The following SLC24A2 variants were observed in gnomAD, a reference collection of about 807,000 sequenced individuals.
SLC24A2 encodes the protein sodium/potassium/calcium exchanger 2.
Under a neutral mutation model 62.0 loss-of-function variants are expected in SLC24A2, and 36 were observed. That is an observed-to-expected ratio of 0.58 (90% CI 0.44 to 0.77). SLC24A2 has a LOEUF of 0.77. Ranked by LOEUF, SLC24A2 falls within the 30% of genes least tolerant of loss-of-function variation. The pLI, the probability that SLC24A2 is intolerant of heterozygous loss-of-function variation, is 0.00. For missense variants in SLC24A2, 846 were observed against 817.9 expected (o/e 1.03, Z -0.42); for synonymous variants, 358 against 294.0 (o/e 1.22, Z -2.23).
chr9:19,958,775 A>G, the SLC24A2 span, among the ~76,000 whole-genome samples: 1 of 152,246 alleles, frequency 6.6e-6, no homozygotes, highest in Admixed American at 6.5e-5. Flanking sequence ...AAGACAAGGC[A>G]TGTAAAAATA....
intron 2 of SLC24A2, among the ~76,000 whole-genome samples, chr9:19,640,444 G>A (rs1818463813): frequency 6.6e-6 from 1 of 152,138 alleles, no homozygotes; most frequent in Non-Finnish European, 1.5e-5. Flanking sequence ...TAATATTTAT[G>A]TTTTCTGACC....
chr9:19,557,251 A>G (rs1835140474), intron 7 of SLC24A2, among the ~76,000 whole-genome samples: 1 of 152,186 alleles, frequency 6.6e-6, no homozygotes, highest in African/African-American at 2.4e-5. Context: ...AATAAATTAA[A>G]CCCATTAAAA....
At chr9:20,195,104 A>G in the SLC24A2 span, among the ~76,000 whole-genome samples, 16 of 152,250 alleles carry the variant, frequency 1.1e-4, no homozygotes, top group African/African-American at 3.6e-4. Context: ...TCCATGCTGG[A>G]ACATGTAATT....
the SLC24A2 span, among the ~76,000 whole-genome samples, chr9:19,873,287 T>C: frequency 6.6e-6 from 1 of 151,808 alleles, no homozygotes; most frequent in South Asian, 2.1e-4. Context: ...TTTCTTTCTT[T>C]CTTCTTTTCT....
At chr9:19,797,521 A>G in the SLC24A2 span, among the ~76,000 whole-genome samples, 6 of 152,104 alleles carry the variant, frequency 3.9e-5, no homozygotes, top group Admixed American at 1.3e-4. Context: ...TCTTTACTGT[A>G]GAGTAATCAA....
chr9:19,650,835 G>GTT (rs1460437125), intron 2 of SLC24A2, among the ~76,000 whole-genome samples: 1 of 151,840 alleles, frequency 6.6e-6, no homozygotes, highest in Non-Finnish European at 1.5e-5. Flanking sequence ...GTGTGTGTGT[G>GTT]TGTGTGTGTG....
At chr9:20,045,391 G>C in the SLC24A2 span, among the ~76,000 whole-genome samples, 1 of 151,942 alleles carries the variant, frequency 6.6e-6, no homozygotes, top group Non-Finnish European at 1.5e-5. Context: ...GAATTAATAT[G>C]GTTAAGTAGA....
At chr9:19,564,226 C>G (rs1248421749) in intron 7 of SLC24A2, among the ~76,000 whole-genome samples, 1 of 152,024 alleles carries the variant, frequency 6.6e-6, no homozygotes, top group Non-Finnish European at 1.5e-5. Context: ...TTGAGCATTT[C>G]TCTTTTTAAA....
At chr9:19,587,678 T>C (rs1452687108) in intron 5 of SLC24A2, among the ~76,000 whole-genome samples, 1 of 151,964 alleles carries the variant, frequency 6.6e-6, no homozygotes, top group African/African-American at 2.4e-5. Flanking sequence ...AAGAGCTTCA[T>C]GGTTGAGGGG....
rs1029776694 is a variant in SLC24A2, at chr9:19,573,400, G to T, written c.1298C>A (p.Pro433His). 4 of 1,613,564 alleles carry T rather than the reference G, an allele frequency of 2.5e-6. No individual in the cohort carries two copies. The highest frequency in any genetic ancestry group is 3.4e-6 in the Non-Finnish European group (4 of 1,179,794). Reference protein sequence around the residue: ...EMTPSSDASEPVQNGNLSHNI... With the variant: ...EMTPSSDASEHVQNGNLSHNI... ...GTGGGAGAGATTTCCATTTTGTACA[G>T]GTTCTGAAGCATCACTGGATGGTGT... is the stretch of plus-strand genomic sequence containing the variant. The change falls in exon 7 of 11, where the codon CCT becomes CAT. Residue 433 changes from proline to histidine, a missense_variant. Pro to His is a moderately conservative substitution (Grantham distance 77). Coordinates refer to ENST00000341998, the MANE Select transcript of SLC24A2 (RefSeq NM_020344.4).
chr9:20,281,958 T>G, the SLC24A2 span, among the ~76,000 whole-genome samples: 12 of 152,240 alleles, frequency 7.9e-5, no homozygotes, highest in Admixed American at 3.3e-4. Flanking sequence ...TCATTAGATT[T>G]ATTCCTTAGT....
chr9:19,776,745 G>A (rs1190604282), intron 2 of SLC24A2, among the ~76,000 whole-genome samples: 1 of 152,162 alleles, frequency 6.6e-6, no homozygotes, highest in East Asian at 1.9e-4. Context: ...TGGGTGATAT[G>A]GGCATGGCTA....
At chr9:20,232,755 AGTTATTTCTT>A in the SLC24A2 span, among the ~76,000 whole-genome samples, 1 of 151,986 alleles carries the variant, frequency 6.6e-6, no homozygotes, top group Non-Finnish European at 1.5e-5. Context: ...TTCTGATCTT[AGTTATTTCTT>A]GCCTTCTGCT....
intron 10 of SLC24A2, among the ~76,000 whole-genome samples, chr9:19,517,941 ACACACACACACACACACT>A (rs1305206712): frequency 4.0e-5 from 6 of 148,228 alleles, no homozygotes; most frequent in East Asian, 4.0e-4. Flanking sequence ...ACACACACAC[ACACACACACACACACACT>A]CTCACACTTC....
chr9:19,646,081 G>C (rs1454490808), intron 2 of SLC24A2, among the ~76,000 whole-genome samples: 1 of 152,154 alleles, frequency 6.6e-6, no homozygotes, highest in Admixed American at 6.5e-5. Flanking sequence ...AATCACCATG[G>C]AAATGATGTA....
intron 2 of SLC24A2, among the ~76,000 whole-genome samples, chr9:19,751,074 T>C (rs1186084636): frequency 2.6e-5 from 4 of 152,192 alleles, no homozygotes; most frequent in Non-Finnish European, 5.9e-5. Flanking sequence ...TTCGGTAACA[T>C]GTTTGTCTTC....
chr9:20,206,679 A>T, the SLC24A2 span, among the ~76,000 whole-genome samples: 4 of 152,040 alleles, frequency 2.6e-5, no homozygotes, highest in South Asian at 8.3e-4. Flanking sequence ...ACGGGGTTTC[A>T]CCATGTTGGT....
chr9:20,076,183 A>G, the SLC24A2 span, among the ~76,000 whole-genome samples: 1 of 152,188 alleles, frequency 6.6e-6, no homozygotes, highest in Non-Finnish European at 1.5e-5. Context: ...ATGACACATA[A>G]AAATTCAAGA....
At chr9:19,708,612 A>G (rs1369718673) in intron 2 of SLC24A2, among the ~76,000 whole-genome samples, 1 of 152,210 alleles carries the variant, frequency 6.6e-6, no homozygotes, top group African/African-American at 2.4e-5. Context: ...CATATCTACA[A>G]CCATCTGATT....
Sources: allele counts gnomAD v4.1 joint callset (sites outside exome capture counted in the v4.1 genomes callset), GRCh38; gene constraint gnomAD v4.1.1; transcripts MANE v1.5; gene names NCBI Gene and HGNC (gene_info 2026-07-23, HGNC 2026-07-21).